ULK4: variants seen among roughly 807,000 people sequenced by gnomAD.
ULK4 encodes the protein unc-51 like kinase 4.
ULK4 carries 133 observed loss-of-function variants against 160.6 expected under a neutral mutation model. That is an observed-to-expected ratio of 0.83 (90% CI 0.72 to 0.96). The LOEUF (loss-of-function observed/expected upper bound fraction) is 0.96. ULK4 is among the 40% of genes least tolerant of loss of function. ULK4 has a pLI of 0.00. For missense variants in ULK4, 1,580 were observed against 1,499.5 expected (o/e 1.05, Z -0.89); for synonymous variants, 534 against 539.8 (o/e 0.99, Z 0.15).
chr3:41,494,796 A>T (rs2084925331), intron 32 of ULK4, among the ~76,000 whole-genome samples: 2 of 152,272 alleles, frequency 1.3e-5, no homozygotes, highest in South Asian at 2.1e-4. Context: ...ACAGACAAAC[A>T]GAGAGCCAAA....
At chr3:41,712,891 G>GA (rs1413737285) in intron 25 of ULK4, among the ~76,000 whole-genome samples, 4 of 149,184 alleles carry the variant, frequency 2.7e-5, no homozygotes, top group Non-Finnish European at 1.5e-5. Context: ...ACCCTGTCTC[G>GA]AAAAAAGAAA....
chr3:41,859,824 ATTTTTT>A (rs397875093), intron 17 of ULK4, among the ~76,000 whole-genome samples: 137 of 115,884 alleles, frequency 1.2e-3, no homozygotes, highest in Non-Finnish European at 2.1e-3. Flanking sequence ...TGCCTGGCTA[ATTTTTT>A]TTTTTTTTTT....
intron 32 of ULK4, among the ~76,000 whole-genome samples, chr3:41,512,256 C>A (rs1431380624): frequency 6.6e-6 from 1 of 152,136 alleles, no homozygotes; most frequent in Non-Finnish European, 1.5e-5. Flanking sequence ...TTCTATTCAA[C>A]ATAGTAGAAG....
chr3:41,873,031 T>C (rs1030456520), intron 17 of ULK4, among the ~76,000 whole-genome samples: 2 of 152,088 alleles, frequency 1.3e-5, no homozygotes, highest in African/African-American at 4.8e-5. Flanking sequence ...TAGACACCTG[T>C]AATCCCAGCT....
chr3:41,533,648 G>C (rs2086397295), intron 32 of ULK4, among the ~76,000 whole-genome samples: 2 of 152,014 alleles, frequency 1.3e-5, no homozygotes, highest in Non-Finnish European at 2.9e-5. Flanking sequence ...ATGCTATGTT[G>C]GCAGAATTAA....
chr3:41,646,300 C>T (rs1280129654), intron 30 of ULK4, among the ~76,000 whole-genome samples: 1 of 152,182 alleles, frequency 6.6e-6, no homozygotes, highest in Admixed American at 6.6e-5. Context: ...ATGATCTTTA[C>T]ACTTTGGCAT....
At chr3:41,257,615 A>C (rs1243951770) in intron 35 of ULK4, among the ~76,000 whole-genome samples, 2 of 147,314 alleles carry the variant, frequency 1.4e-5, no homozygotes, top group African/African-American at 2.6e-5. Context: ...CCTGGGTGAC[A>C]GGGTGAGACT....
intron 27 of ULK4, among the ~76,000 whole-genome samples, chr3:41,698,364 T>C (rs1164650704): frequency 6.6e-6 from 1 of 152,128 alleles, no homozygotes; most frequent in East Asian, 1.9e-4. Flanking sequence ...TAGGCTCCAG[T>C]TATTCTCCCA....
chr3:41,508,228 T>C (rs1314484776), intron 32 of ULK4, among the ~76,000 whole-genome samples: 1 of 152,010 alleles, frequency 6.6e-6, no homozygotes, highest in Non-Finnish European at 1.5e-5. Flanking sequence ...TCTGGGAACA[T>C]AACTTCACTG....
At chr3:41,553,668 G>A (rs893402284) in intron 32 of ULK4, among the ~76,000 whole-genome samples, 1 of 152,072 alleles carries the variant, frequency 6.6e-6, no homozygotes, top group African/African-American at 2.4e-5. Flanking sequence ...CAGCCATTAT[G>A]AAAAATAAGA....
At chr3:41,334,176 G>A (rs6790569) in intron 35 of ULK4, among the ~76,000 whole-genome samples, 55,016 of 151,922 alleles carry the variant, frequency 0.36, 10,189 homozygotes, top group African/African-American at 0.44. Context: ...GATGGGAAGA[G>A]GGCTAAACAC....
chr3:41,900,810 C>G lies in ULK4; in HGVS notation c.1202G>C (p.Ser401Thr), dbSNP rs770260814. ...CATCTGGGATTCCAGGTCCTGCTGA[C>G]TCAGGTGTCCACTTGTAATCTGAAA... Reference protein sequence around the residue: ...PLTKITSGHLSQQDLESQMRE... With the variant: ...PLTKITSGHLTQQDLESQMRE... The change falls in exon 13 of 37, where the codon AGT becomes ACT. Residue 401 changes from serine to threonine, a missense_variant. Ser to Thr is a moderately conservative substitution (Grantham distance 58, BLOSUM62 1). Transcript: ENST00000301831. 1 of 1,613,552 alleles carries G rather than the reference C, an allele frequency of 6.2e-7. No homozygotes were observed. The highest frequency in any genetic ancestry group is 1.7e-5 in the Admixed American group (1 of 59,998).
intron 18 of ULK4, among the ~76,000 whole-genome samples, chr3:41,832,308 T>C (rs1449459879): frequency 6.6e-6 from 1 of 152,258 alleles, no homozygotes; most frequent in East Asian, 1.9e-4. Context: ...TGAGCTTTTT[T>C]TCATATGTTT....
chr3:41,758,827 C>A (rs549542722), intron 21 of ULK4, among the ~76,000 whole-genome samples: 1 of 150,846 alleles, frequency 6.6e-6, no homozygotes, highest in Non-Finnish European at 1.5e-5. Flanking sequence ...GAGCCAAGAT[C>A]GCGCCACTGC....
At chr3:41,532,825 T>G (rs1284812360) in intron 32 of ULK4, among the ~76,000 whole-genome samples, 1 of 152,152 alleles carries the variant, frequency 6.6e-6, no homozygotes, top group African/African-American at 2.4e-5. Context: ...CAGAATGTCA[T>G]GTAGAGTTCC....
intron 17 of ULK4, among the ~76,000 whole-genome samples, chr3:41,838,366 G>A (rs1376469952): frequency 6.6e-6 from 1 of 152,114 alleles, no homozygotes; most frequent in Non-Finnish European, 1.5e-5. Context: ...AAATGAGAGA[G>A]GGTAAAGGGA....
intron 25 of ULK4, among the ~76,000 whole-genome samples, chr3:41,710,187 T>G (rs2037044048): frequency 6.6e-6 from 1 of 152,224 alleles, no homozygotes; most frequent in African/African-American, 2.4e-5. Flanking sequence ...CTTATTTTAT[T>G]TCCTACCTTA....
chr3:41,801,153 A>T (rs2040447264), intron 19 of ULK4, among the ~76,000 whole-genome samples: 1 of 152,208 alleles, frequency 6.6e-6, no homozygotes, highest in South Asian at 2.1e-4. Flanking sequence ...AAGATATAAA[A>T]ATGACCCAAA....
intron 27 of ULK4, among the ~76,000 whole-genome samples, chr3:41,701,213 T>A (rs1019389196): frequency 1.3e-5 from 2 of 152,070 alleles, no homozygotes; most frequent in African/African-American, 4.8e-5. Context: ...AATCCACAGA[T>A]TCAAGCAGCA....
Sources: allele counts gnomAD v4.1 joint callset (sites outside exome capture counted in the v4.1 genomes callset), GRCh38; gene constraint gnomAD v4.1.1; transcripts MANE v1.5; gene names NCBI Gene and HGNC (gene_info 2026-07-23, HGNC 2026-07-21).